Variants in ZDHHC20 observed in about 807,000 individuals in gnomAD.
ZDHHC20 encodes zDHHC palmitoyltransferase 20.
Under a neutral mutation model 57.8 loss-of-function variants are expected in ZDHHC20, and 43 were observed. That is an observed-to-expected ratio of 0.74 (90% CI 0.58 to 0.96). ZDHHC20 has a LOEUF of 0.96. Among genes scored for constraint, ZDHHC20 ranks in the 40% least tolerant of loss-of-function variants. The pLI, the probability that ZDHHC20 is intolerant of heterozygous loss-of-function variation, is 0.00. For missense variants in ZDHHC20, 391 were observed against 441.1 expected, an observed-to-expected ratio of 0.89 and a Z score of 1.02; for synonymous variants, 157 against 153.0, an observed-to-expected ratio of 1.03 and a Z score of -0.19.
intron 4 of ZDHHC20, among the ~76,000 whole-genome samples, chr13:21,408,838 T>C (rs1215069389): frequency 1.3e-5 from 2 of 152,224 alleles, no homozygotes; most frequent in Non-Finnish European, 2.9e-5. Context: ...CTGAATTTTA[T>C]TGAAGGCCTT....
At chr13:21,435,569 G>A (rs1015752289) in intron 1 of ZDHHC20, among the ~76,000 whole-genome samples, 5 of 152,120 alleles carry the variant, frequency 3.3e-5, no homozygotes, top group Non-Finnish European at 5.9e-5. Context: ...AGAATTTGCC[G>A]GTGCATGCTG....
chr13:21,398,056 G>A (rs995045575), intron 7 of ZDHHC20, among the ~76,000 whole-genome samples: 5 of 152,132 alleles, frequency 3.3e-5, no homozygotes, highest in Non-Finnish European at 7.3e-5. Flanking sequence ...TATTACCTCA[G>A]TTTTAAAAAT....
At chr13:21,378,809 T>C (rs1872721397) in intron 11 of ZDHHC20, 71 bp from the exon 12 acceptor site, 1 of 883,666 alleles carries the variant, frequency 1.1e-6, no homozygotes, top group Non-Finnish European at 1.6e-6. Flanking sequence ...TCTGGCTAAA[T>C]GGTAAAATGA....
chr13:21,459,077 G>A lies in ZDHHC20; in HGVS notation c.95C>T (p.Ala32Val), dbSNP rs1740321213. 2 of 1,604,668 alleles carry A rather than the reference G, an allele frequency of 1.2e-6. No individual in the cohort carries two copies. The highest frequency in any genetic ancestry group is 1.7e-5 in the Admixed American group (1 of 59,232). Residue 32 changes from alanine to valine, a missense_variant, in exon 1 of 13, where the codon GCG (alanine) becomes GTG (valine). Physicochemically the swap from Ala to Val is moderately conservative, Grantham distance 64. Coordinates refer to ENST00000400590, the MANE Select transcript of ZDHHC20 (RefSeq NM_001330059.2). ...ITFVVVWSYY[A>V]YVVELCVFTI... ...ACACACGCAGAGCTCCACCACGTAC[G>A]CGTAGTAGGACCAGACGACCACGAA...
In ZDHHC20 at chr13:21,405,820, G is replaced by A. The variant is rs1878359337; in HGVS notation, c.371-2954C>T. On this transcript the variant is annotated intron_variant, in intron 4 of 12. Transcript: ENST00000400590. The stretch of plus-strand genomic sequence containing the variant: ...GAAAACCTTATATAAAAAGATAAAT[G>A]CTACAAATTTTAAAAGCAGAATCCC... 2.6e-5 allele frequency among the ~76,000 whole-genome samples: 4 copies of A among 152,128 alleles called. No individual in the cohort carries two copies. The East Asian group carries it at 5.8e-4, about 22-fold the overall frequency.
chr13:21,411,257 C>T lies in ZDHHC20; in HGVS notation c.370+2395G>A, dbSNP rs1355697805. Among the ~76,000 whole-genome samples, 4 of 152,198 alleles carry T rather than the reference C, an allele frequency of 2.6e-5. No individual in the cohort carries two copies. In the East Asian group the frequency reaches 7.7e-4, roughly 29 times the overall value. On this transcript the variant is annotated intron_variant, in intron 4 of 12. Transcript: ENST00000400590. ...AGTTGGAAATGCAAAAATCACCTGC[C>T]TTCTGCGTTGGTCTCACTGGGAGCT...
rs574019644 is a variant in ZDHHC20, at chr13:21,378,347, A to AC, written c.*40+313dup. Among the ~76,000 whole-genome samples, 5 of 152,288 alleles carry AC rather than the reference A, an allele frequency of 3.3e-5. No homozygotes were observed. In the East Asian group the frequency reaches 9.7e-4, roughly 29 times the overall value. On this transcript the variant is annotated intron_variant, in intron 12 of 12. Transcript: ENST00000400590. ...AGTGCTGGAATTAGAGGTGTGAGCC[A>AC]CCTTGCCTGCCCACCTTTTTTTCTT...
At chr13:21,379,817 T>C (rs918911969) in intron 11 of ZDHHC20, among the ~76,000 whole-genome samples, 58 of 114,082 alleles carry the variant, frequency 5.1e-4, no homozygotes, top group African/African-American at 2.0e-3. Context: ...CTCTTTTTTT[T>C]CTTTTTTCTT....
Position 21,400,364 on chromosome 13 carries a change from A to C in ZDHHC20, c.594+9T>G. 1 of 1,575,450 alleles carries C rather than the reference A, an allele frequency of 6.3e-7. No homozygotes were observed. The highest frequency in any genetic ancestry group is 8.6e-7 in the Non-Finnish European group (1 of 1,169,566). Reference sequence around the variant, plus strand: ...AAATACATGTTTCAAGATAGAAAAAAAGACTTACCGTCCAAAATTTTATAA... The same window carrying C: ...AAATACATGTTTCAAGATAGAAAAACAGACTTACCGTCCAAAATTTTATAA... On this transcript the variant is annotated intron_variant, in intron 7 of 12. Coordinates refer to ENST00000400590, the MANE Select transcript of ZDHHC20 (RefSeq NM_001330059.2).
chr13:21,398,278 C>T (rs1353990104), intron 7 of ZDHHC20, among the ~76,000 whole-genome samples: 1 of 152,046 alleles, frequency 6.6e-6, no homozygotes, highest in Non-Finnish European at 1.5e-5. Flanking sequence ...TCCTGGCTAA[C>T]ACGGTGAAAC....
intron 11 of ZDHHC20, among the ~76,000 whole-genome samples, chr13:21,379,028 T>G (rs948016873): frequency 1.3e-5 from 2 of 152,190 alleles, no homozygotes; most frequent in African/African-American, 2.4e-5. Flanking sequence ...TAGATTGTTA[T>G]TTTTTAGAGA....
chr13:21,395,588 G>A lies in ZDHHC20; in HGVS notation c.595-3734C>T, dbSNP rs149770219. Among the ~76,000 whole-genome samples the A allele has an allele frequency of 9.7e-5, 14 of 143,850 alleles. No homozygotes were observed. The South Asian group carries it at 1.3e-3, about 14-fold the overall frequency. The allele number at this position is 143,850 out of a possible 152,430, so 94.4% of individuals were successfully genotyped here. On this transcript the variant is annotated intron_variant, in intron 7 of 12. Transcript: ENST00000400590. Reference sequence around the variant, plus strand: ...GTGATCTTGGCTCACTGGAACCTCCGCCTCCCGGGTTCAAGCGATTCTCCT... The same window carrying A: ...GTGATCTTGGCTCACTGGAACCTCCACCTCCCGGGTTCAAGCGATTCTCCT...
Position 21,402,832 on chromosome 13 carries a change from T to C in ZDHHC20, c.405A>G (p.Lys135=). 6.3e-7 allele frequency: 1 copy of C among 1,598,344 alleles called. No homozygotes were observed. The change falls in exon 5 of 13, where the codon AAA becomes AAG. Residue 135 remains lysine, a synonymous_variant. Transcript: ENST00000400590. ...IRYCEKCQLI[K]PDRAHHCSAC... is the part of the protein sequence containing the mutation. Reference sequence around the variant, plus strand: ...CTGAGCAGTGATGCGCCCGATCAGGTTTAATCAGCTGACATTTTTCACAAT... The same window carrying C: ...CTGAGCAGTGATGCGCCCGATCAGGCTTAATCAGCTGACATTTTTCACAAT...
chr13:21,378,144 G>C (rs1216788583), intron 12 of ZDHHC20, among the ~76,000 whole-genome samples: 1 of 152,078 alleles, frequency 6.6e-6, no homozygotes, highest in Non-Finnish European at 1.5e-5. Context: ...CTGGGCTCAA[G>C]TGATCCTCCC....
intron 1 of ZDHHC20, among the ~76,000 whole-genome samples, chr13:21,432,300 G>A (rs1401298490): frequency 1.3e-5 from 2 of 151,432 alleles, no homozygotes; most frequent in Non-Finnish European, 2.9e-5. Flanking sequence ...AAGTAGCTGG[G>A]ACTAAAGGCA....
chr13:21,406,288 G>C lies in ZDHHC20; in HGVS notation c.371-3422C>G, dbSNP rs189790493. On this transcript the variant is annotated intron_variant, in intron 4 of 12. Transcript: ENST00000400590. ...AAATACTGTTTAATACTCATTTCCC[G>C]ATCACTCCTGGACTTGATTCTTCTT... Among the ~76,000 whole-genome samples, 3 of 152,220 alleles carry C rather than the reference G, an allele frequency of 2.0e-5. No individual in the cohort carries two copies. In the East Asian group the frequency reaches 5.8e-4, roughly 29 times the overall value.
At chr13:21,378,852 A>G (rs1872726833) in intron 11 of ZDHHC20, 114 bp from the exon 12 acceptor site, 1 of 489,346 alleles carries the variant, frequency 2.0e-6, no homozygotes, top group African/African-American at 1.9e-5. Flanking sequence ...AATACAAAAT[A>G]GGCTTATGGT....
chr13:21,409,092 G>C (rs865902830), intron 4 of ZDHHC20, among the ~76,000 whole-genome samples: 1 of 152,192 alleles, frequency 6.6e-6, no homozygotes, highest in African/African-American at 2.4e-5. Context: ...ATCTCTGCTA[G>C]GTTTCGGTAT....
At chr13:21,378,781 A>C (rs557934003) in intron 11 of ZDHHC20, 43 bp from the exon 12 acceptor site, 2 of 1,191,606 alleles carry the variant, frequency 1.7e-6, no homozygotes, top group African/African-American at 3.1e-5. Flanking sequence ...AAAAAAAAAA[A>C]AAAAGAAGTA....
Sources: allele counts gnomAD v4.1 joint callset (sites outside exome capture counted in the v4.1 genomes callset), GRCh38; gene constraint gnomAD v4.1.1; transcripts MANE v1.5; gene names NCBI Gene and HGNC (gene_info 2026-07-23, HGNC 2026-07-21).